Variants in ADSS2 observed in about 807,000 individuals in gnomAD.
ADSS2 encodes adenylosuccinate synthase 2.
ADSS2 carries 30 observed loss-of-function variants against 60.0 expected under a neutral mutation model. The ratio of observed to expected loss-of-function variants is 0.50; its 90% confidence interval spans 0.37 to 0.68. The LOEUF is 0.68. ADSS2 is among the 30% of genes least tolerant of loss of function. The pLI, the probability that ADSS2 is intolerant of heterozygous loss-of-function variation, is 0.00. For missense variants in ADSS2, 373 were observed against 554.8 expected, an observed-to-expected ratio of 0.67 and a Z score of 3.29; for synonymous variants, 187 against 193.1, an observed-to-expected ratio of 0.97 and a Z score of 0.26.
At chr1:244,445,604 T>C (rs1257500474) in intron 1 of ADSS2, among the ~76,000 whole-genome samples, 2 of 151,892 alleles carry the variant, frequency 1.3e-5, no homozygotes, top group Non-Finnish European at 2.9e-5. Context: ...AATGCTAATA[T>C]GTGTAAGCTT....
At position 244,422,931 on chromosome 1, in the gene ADSS2, T is replaced by C. The variant is rs377468008; in HGVS notation, c.582-15A>G. The C allele has an allele frequency of 6.0e-6, 9 of 1,496,596 alleles. No individual in the cohort carries two copies. The highest frequency in any genetic ancestry group is 8.3e-6 in the Non-Finnish European group (9 of 1,078,822). The allele number at this position is 1,496,596 out of a possible 1,614,324, so 92.7% of individuals were successfully genotyped here. A position where few individuals can be genotyped will look rare whatever the true frequency, so the allele number is the denominator to read the frequency against. ...GAACTTTAAACCTGAGAAACACAGA[T>C]AAATCAAGACATTACCACTCTGTGA... On this transcript the variant is annotated splice_polypyrimidine_tract_variant and intron_variant, in intron 6 of 12. Coordinates refer to ENST00000366535, the MANE Select transcript of ADSS2 (RefSeq NM_001126.5).
At chr1:244,410,514 AT>A (rs5782297) in intron 12 of ADSS2, among the ~76,000 whole-genome samples, 128,150 of 152,028 alleles carry the variant, frequency 0.84, 54,086 homozygotes, top group Admixed American at 0.88. Context: ...TTTTTCTTAC[AT>A]TTTTTTCTAG....
chr1:244,428,831 C>A (rs747711391), intron 4 of ADSS2, among the ~76,000 whole-genome samples: 1 of 151,888 alleles, frequency 6.6e-6, no homozygotes, highest in African/African-American at 2.4e-5. Context: ...AAAACTGACA[C>A]AAGAAACAGA....
intron 4 of ADSS2, among the ~76,000 whole-genome samples, chr1:244,426,525 A>C (rs1442984325): frequency 6.6e-6 from 1 of 152,186 alleles, no homozygotes. Flanking sequence ...CACTTTCTAC[A>C]GCCTAGATAC....
At chr1:244,416,457 A>AC (rs1234060147) in intron 10 of ADSS2, among the ~76,000 whole-genome samples, 1 of 152,158 alleles carries the variant, frequency 6.6e-6, no homozygotes, top group East Asian at 1.9e-4. Context: ...ACCTGGGACT[A>AC]CAGGCGTGTG....
At chr1:244,426,621 TAA>T (rs1423047372) in intron 4 of ADSS2, among the ~76,000 whole-genome samples, 2 of 152,194 alleles carry the variant, frequency 1.3e-5, no homozygotes, top group African/African-American at 2.4e-5. Context: ...CTATTATAGT[TAA>T]GTTTTATTAA....
At chr1:244,428,674 TA>T (rs1482561705) in intron 4 of ADSS2, among the ~76,000 whole-genome samples, 5 of 151,704 alleles carry the variant, frequency 3.3e-5, no homozygotes, top group Non-Finnish European at 7.4e-5. Flanking sequence ...AGAAAATGGT[TA>T]TTTTTTGGGG....
At chr1:244,441,517 GT>G (rs199523450) in intron 1 of ADSS2, among the ~76,000 whole-genome samples, 13 of 150,984 alleles carry the variant, frequency 8.6e-5, no homozygotes, top group Admixed American at 1.3e-4. Flanking sequence ...GTCAAACCAG[GT>G]TTTTTTTTAG....
At chr1:244,444,046 A>C (rs1462573758) in intron 1 of ADSS2, among the ~76,000 whole-genome samples, 3 of 152,220 alleles carry the variant, frequency 2.0e-5, no homozygotes, top group Admixed American at 6.5e-5. Flanking sequence ...TTTGAGGAAA[A>C]GCATAAGCTT....
chr1:244,424,041 C>T lies in ADSS2; in HGVS notation c.493G>A (p.Gly165Ser). The T allele has an allele frequency of 6.2e-7, 1 of 1,611,932 alleles. No individual in the cohort carries two copies. The highest frequency in any genetic ancestry group is 8.5e-7 in the Non-Finnish European group (1 of 1,179,368). Residue 165 changes from glycine (G) to serine (S), a missense_variant, in exon 6 of 13, where the codon GGC becomes AGC. Physicochemically the swap from Gly to Ser is moderately conservative, Grantham distance 56 (BLOSUM62 0). Around this residue, in one of 5 missense-constraint regions of ADSS2, gnomAD observed 139 missense variants for 189.4 expected, o/e 0.73. Coordinates refer to ENST00000366535, the MANE Select transcript of ADSS2 (RefSeq NM_001126.5). ...TTGGACGAATAAACTGGGCCAATGCCCTTTTTTGTTGTACCCAAACTTAAA... is the reference window on the plus strand; with the variant it reads ...TTGGACGAATAAACTGGGCCAATGCTCTTTTTTGTTGTACCCAAACTTAAA... ...AGKNLGTTKK[G>S]IGPVYSSKAA...
intron 3 of ADSS2, among the ~76,000 whole-genome samples, chr1:244,434,374 G>A (rs1167303498): frequency 6.6e-6 from 1 of 150,498 alleles, no homozygotes; most frequent in African/African-American, 2.4e-5. Flanking sequence ...AAAGACGCTT[G>A]AATGAACAAA....
chr1:244,428,331 A>G lies in ADSS2; in HGVS notation c.407-3944T>C, dbSNP rs571436291. On this transcript the variant is annotated intron_variant, in intron 4 of 12. Coordinates refer to ENST00000366535, the MANE Select transcript of ADSS2 (RefSeq NM_001126.5). ...TGAAAATCTTCCAATATTTGGAAAC[A>G]TGAACATCATACTCAACTTATAAGT... 2.6e-5 allele frequency among the ~76,000 whole-genome samples: 4 copies of G among 152,196 alleles called. No homozygotes were observed. The South Asian group carries it at 6.2e-4, about 24-fold the overall frequency.
intron 4 of ADSS2, among the ~76,000 whole-genome samples, chr1:244,430,860 G>A (rs374249512): frequency 6.6e-6 from 1 of 152,152 alleles, no homozygotes; most frequent in Admixed American, 6.5e-5. Flanking sequence ...AGTGGCTCAC[G>A]CCTGTAATCC....
chr1:244,432,503 AT>A (rs746430644), intron 4 of ADSS2, 41 bp downstream of exon 4: 6 of 1,361,334 alleles, frequency 4.4e-6, no homozygotes, highest in Non-Finnish European at 6.1e-6. Context: ...TAAATTTCAG[AT>A]AAAAAGATAG....
At chr1:244,417,309 G>A (rs111941678) in intron 10 of ADSS2, among the ~76,000 whole-genome samples, 6,059 of 152,152 alleles carry the variant, frequency 0.04, 157 homozygotes, top group Middle Eastern at 0.088. Flanking sequence ...ATCGCCTCCC[G>A]GCTGTACATG....
At chr1:244,423,324 G>A (rs569718495) in intron 6 of ADSS2, among the ~76,000 whole-genome samples, 1 of 152,280 alleles carries the variant, frequency 6.6e-6, no homozygotes, top group Non-Finnish European at 1.5e-5. Flanking sequence ...TTCAGTAAAG[G>A]TGCACTGCCA....
At chr1:244,433,178 G>A (rs1439184629) in intron 3 of ADSS2, among the ~76,000 whole-genome samples, 2 of 152,166 alleles carry the variant, frequency 1.3e-5, no homozygotes, top group African/African-American at 4.8e-5. Flanking sequence ...AGAGGTTGCA[G>A]TAAGCCAAGA....
chr1:244,443,462 C>T (rs964537508), intron 1 of ADSS2, among the ~76,000 whole-genome samples: 9 of 152,148 alleles, frequency 5.9e-5, no homozygotes, highest in East Asian at 1.9e-4. Context: ...GGAATCTCAA[C>T]GTTGTTTCTG....
At chr1:244,411,239 G>C (rs780733724) in intron 12 of ADSS2, 48 bp downstream of exon 12, 19 of 1,467,932 alleles carry the variant, frequency 1.3e-5, no homozygotes, top group Non-Finnish European at 1.6e-5. Context: ...AAAGAAAAAA[G>C]AGAGAGAGAG....
Sources: gnomAD v4.1 joint callset for allele counts (sites outside exome capture counted in the v4.1 genomes callset) on GRCh38, gnomAD v4.1.1 for gene constraint, gnomAD v4.1.1 regional missense constraint, MANE v1.5 for transcripts, NCBI Gene and HGNC (gene_info 2026-07-23, HGNC 2026-07-21) for gene names.